Variants in C5orf24 observed in about 807,000 individuals in gnomAD.
C5orf24 encodes UPF0461 protein C5orf24.
C5orf24 carries 4 observed loss-of-function variants against 9.8 expected under a neutral mutation model. The ratio of observed to expected loss-of-function variants is 0.41; its 90% CI spans 0.20 to 0.93. The LOEUF (loss-of-function observed/expected upper bound fraction) is 0.93. Among genes scored for constraint, C5orf24 ranks in the 40% least tolerant of loss-of-function variants. The probability of loss-of-function intolerance (pLI) is 0.33; values close to 1 mark genes in which losing one functional copy is unlikely to be tolerated. For synonymous variants in C5orf24, 73 were observed against 81.3 expected (o/e 0.90, Z 0.55); for missense variants, 170 against 236.9 (o/e 0.72, Z 1.85).
At chr5:134,846,628 C>T (rs1254317275) in intron 1 of C5orf24, 1 of 152,206 alleles carries the variant, frequency 6.6e-6, no homozygotes, top group Non-Finnish European at 1.5e-5. Context: ...CTTCTGCAAA[C>T]TTGTTATTGC....
chr5:134,840,910 T>C (rs955500291), upstream of C5orf24, among the ~76,000 whole-genome samples: 3 of 152,238 alleles, frequency 2.0e-5, no homozygotes, highest in Admixed American at 6.5e-5. Flanking sequence ...ATTAGCCATA[T>C]GGCTGATCAG....
rs939770930 is a variant in C5orf24, at chr5:134,858,383, A to C, written c.*2916A>C. On this transcript the variant is annotated 3_prime_UTR_variant, in exon 2 of 2. Coordinates refer to ENST00000394976, the MANE Select transcript of C5orf24 (RefSeq NM_001135586.1). Reference sequence around the variant, plus strand: ...ATATAAACTAAAGACTACATTGTGCATATTTTGTTAACACTGTCTCTTGTT... The same window carrying C: ...ATATAAACTAAAGACTACATTGTGCCTATTTTGTTAACACTGTCTCTTGTT... 6.0e-6 allele frequency: 1 copy of C among 167,000 alleles called. No homozygotes were observed. Among genetic ancestry groups the C allele is most frequent in the East Asian group, 1.9e-4 (1 of 5,206 alleles). 10.3% of individuals were successfully genotyped at this position (167,000 alleles called of 1,614,324 possible). A position where few individuals can be genotyped will look rare whatever the true frequency, so the allele number is the denominator to read the frequency against.
Position 134,858,727 on chromosome 5 carries a change from A to ATAAG in C5orf24, c.*3263_*3266dup, listed in dbSNP as rs1230700626. On this transcript the variant is annotated 3_prime_UTR_variant, in exon 2 of 2. Transcript: ENST00000394976. ...CATTTTTTGACAGATATAACCTTGC[A>ATAAG]TAAGTAGTATTTAGGGTGATTTTGA... 6.0e-6 allele frequency: 1 copy of ATAAG among 166,994 alleles called. No homozygotes were observed. Among genetic ancestry groups the ATAAG allele is most frequent in the Non-Finnish European group, 1.5e-5 (1 of 68,086 alleles). 10.3% of individuals were successfully genotyped at this position (166,994 alleles called of 1,614,324 possible).
chr5:134,842,989 T>G (rs1285377251), upstream of C5orf24, among the ~76,000 whole-genome samples: 2 of 152,128 alleles, frequency 1.3e-5, no homozygotes, highest in Non-Finnish European at 2.9e-5. Context: ...CCCATAATTT[T>G]TTTTTTTTTT....
chr5:134,837,252 C>T, the C5orf24 span, among the ~76,000 whole-genome samples: 4 of 152,282 alleles, frequency 2.6e-5, no homozygotes, highest in East Asian at 7.7e-4. Flanking sequence ...GGACTATAGG[C>T]GTGAGCCACT....
intron 1 of C5orf24, 124 bp downstream of exon 1, chr5:134,846,336 A>T (rs551841236): frequency 3.3e-5 from 5 of 152,148 alleles, no homozygotes; most frequent in Non-Finnish European, 7.4e-5. Flanking sequence ...AGCCGGAGTG[A>T]GAGGAGGGGC....
At chr5:134,849,639 G>GT (rs1756099972) in intron 1 of C5orf24, among the ~76,000 whole-genome samples, 1 of 130,922 alleles carries the variant, frequency 7.6e-6, no homozygotes, top group Admixed American at 8.2e-5. Flanking sequence ...GAAATGTTAA[G>GT]TCAGTGTCTT....
In C5orf24 at chr5:134,855,197, A is replaced by T. The variant is rs1437365185; in HGVS notation, c.297A>T (p.Ser99=). Residue 99 remains serine (S), a synonymous_variant, in exon 2 of 2, where the codon TCA becomes TCT. Transcript: ENST00000394976. ...KRGRPSGTTK[S]AGYRTSTGRP... ...GCCGGCCTTCGGGAACCACCAAATCAGCAGGATACCGGACCAGCACAGGCA... is the reference window on the plus strand; with the variant it reads ...GCCGGCCTTCGGGAACCACCAAATCTGCAGGATACCGGACCAGCACAGGCA... 5 of 1,614,214 alleles carry T rather than the reference A, an allele frequency of 3.1e-6. No individual in the cohort carries two copies. The highest frequency in any genetic ancestry group is 1.3e-5 in the African/African-American group (1 of 75,068).
At chr5:134,835,911 C>G in the C5orf24 span, among the ~76,000 whole-genome samples, 1 of 151,946 alleles carries the variant, frequency 6.6e-6, no homozygotes, top group Non-Finnish European at 1.5e-5. Context: ...GTTGCCCAGG[C>G]TAATCTTAGA....
At position 134,850,935 on chromosome 5, in the gene C5orf24, T is replaced by C. The variant is rs190927991; in HGVS notation, c.-3-3963T>C. ...ATGAATGTTCATATATATATATATATATACACACACACACACACACTACAC... is the reference window on the plus strand; with the variant it reads ...ATGAATGTTCATATATATATATATACATACACACACACACACACACTACAC... On this transcript the variant is annotated intron_variant, in intron 1 of 1. Transcript: ENST00000394976. Among the ~76,000 whole-genome samples, 1,086 of 147,416 alleles carry C rather than the reference T, an allele frequency of 7.4e-3. 5 individuals carry two copies. Among genetic ancestry groups the C allele is most frequent in the Non-Finnish European group, 0.011 (735 of 67,322 alleles).
intron 1 of C5orf24, among the ~76,000 whole-genome samples, chr5:134,850,612 A>G (rs1401885539): frequency 6.6e-6 from 1 of 151,718 alleles, no homozygotes; most frequent in Non-Finnish European, 1.5e-5. Flanking sequence ...AGCTGGGATT[A>G]CAGGCGTGCA....
At chr5:134,837,119 A>G in the C5orf24 span, among the ~76,000 whole-genome samples, 39 of 152,006 alleles carry the variant, frequency 2.6e-4, no homozygotes, top group African/African-American at 8.9e-4. Context: ...GACTATAGGC[A>G]TGCGTCACCA....
chr5:134,848,904 T>G (rs1463923804), intron 1 of C5orf24, among the ~76,000 whole-genome samples: 1 of 107,040 alleles, frequency 9.3e-6, no homozygotes, highest in South Asian at 2.9e-4. Flanking sequence ...TTGCGGTGAG[T>G]CAAGATTGCA....
At chr5:134,840,171 G>A in the C5orf24 span, among the ~76,000 whole-genome samples, 6 of 152,014 alleles carry the variant, frequency 3.9e-5, no homozygotes, top group Admixed American at 3.9e-4. Flanking sequence ...GCCTGGCATG[G>A]TGGTGTGCAC....
chr5:134,847,827 G>A (rs538037015), intron 1 of C5orf24, among the ~76,000 whole-genome samples: 1 of 152,000 alleles, frequency 6.6e-6, no homozygotes, highest in African/African-American at 2.4e-5. Flanking sequence ...AGCCTCTGGA[G>A]TAGCTGGAGT....
Position 134,855,535 on chromosome 5 carries a change from AT to A in C5orf24, c.*72del. ...AATAATCCCAAAGCTTCTTGGTTTT[AT>A]TTTGATATACATAATTTTATGGCCT... On this transcript the variant is annotated 3_prime_UTR_variant, in exon 2 of 2. Transcript: ENST00000394976. 1 of 1,571,632 alleles carries A rather than the reference AT, an allele frequency of 6.4e-7. No homozygotes were observed. The highest frequency in any genetic ancestry group is 8.6e-7 in the Non-Finnish European group (1 of 1,165,148).
intron 1 of C5orf24, among the ~76,000 whole-genome samples, chr5:134,853,505 CT>C (rs1756220646): frequency 7.1e-6 from 1 of 141,336 alleles, no homozygotes; most frequent in African/African-American, 2.6e-5. Flanking sequence ...AAAATAGAGA[CT>C]TTGGACCTTC....
At chr5:134,850,837 T>C (rs1756137120) in intron 1 of C5orf24, among the ~76,000 whole-genome samples, 1 of 151,578 alleles carries the variant, frequency 6.6e-6, no homozygotes, top group African/African-American at 2.4e-5. Context: ...GAGTCAAGGA[T>C]AGTGGCATTT....
intron 1 of C5orf24, among the ~76,000 whole-genome samples, chr5:134,847,483 A>G (rs1017618374): frequency 1.3e-5 from 2 of 152,118 alleles, no homozygotes; most frequent in Admixed American, 1.3e-4. Flanking sequence ...TTTAGTAAAG[A>G]TGGTGTTTAA....
Sources: gnomAD v4.1 joint callset for allele counts (sites outside exome capture counted in the v4.1 genomes callset) on GRCh38, gnomAD v4.1.1 for gene constraint, MANE v1.5 for transcripts, NCBI Gene and HGNC (gene_info 2026-07-23, HGNC 2026-07-21) for gene names.